Variants in PPP1R14C observed in about 807,000 individuals in gnomAD.
PPP1R14C encodes protein phosphatase 1 regulatory inhibitor subunit 14C, also known as protein phosphatase 1 regulatory subunit 14C.
A neutral mutation model predicts 20.4 loss-of-function variants in PPP1R14C; 16 were observed. The observed-to-expected ratio is 0.78, with a 90% CI of 0.53 to 1.19. The LOEUF (loss-of-function observed/expected upper bound fraction) is 1.19. PPP1R14C is among the 50% of genes most tolerant of loss of function. The pLI is 0.00. For missense variants in PPP1R14C, 211 were observed against 220.1 expected, an observed-to-expected ratio of 0.96 and a Z score of 0.26; for synonymous variants, 91 against 91.0, an observed-to-expected ratio of 1.00 and a Z score of 0.00.
chr6:150,180,810 A>G (rs995708202), intron 1 of PPP1R14C, among the ~76,000 whole-genome samples: 1 of 152,068 alleles, frequency 6.6e-6, no homozygotes, highest in South Asian at 2.1e-4. Context: ...TTGTTTGGAG[A>G]GATGATTTTT....
At chr6:150,230,422 C>A (rs184335167) in intron 3 of PPP1R14C, among the ~76,000 whole-genome samples, 1 of 152,192 alleles carries the variant, frequency 6.6e-6, no homozygotes, top group African/African-American at 2.4e-5. Context: ...AGTAACTGAT[C>A]AGGGGCACAA....
At chr6:150,210,762 A>G (rs1778014447) in intron 1 of PPP1R14C, among the ~76,000 whole-genome samples, 1 of 152,194 alleles carries the variant, frequency 6.6e-6, no homozygotes, top group South Asian at 2.1e-4. Flanking sequence ...ACATATTCCT[A>G]GAAGGTGACA....
chr6:150,243,947 T>C (rs1778462672), intron 3 of PPP1R14C, among the ~76,000 whole-genome samples: 1 of 152,156 alleles, frequency 6.6e-6, no homozygotes, highest in South Asian at 2.1e-4. Flanking sequence ...TCCATTTATG[T>C]AAAACTCTGG....
chr6:150,209,795 A>G (rs111064587), intron 1 of PPP1R14C, among the ~76,000 whole-genome samples: 68,257 of 143,358 alleles, frequency 0.48, 16,870 homozygotes, highest in African/African-American at 0.69. Context: ...GTGAGTGAGT[A>G]GTGTGGAGTG....
chr6:150,226,211 T>G (rs1444605034), intron 3 of PPP1R14C, among the ~76,000 whole-genome samples: 1 of 152,236 alleles, frequency 6.6e-6, no homozygotes, highest in African/African-American at 2.4e-5. Context: ...ACCTCACTAA[T>G]GTATGAGTGA....
At chr6:150,220,718 G>A (rs561624362) in intron 3 of PPP1R14C, among the ~76,000 whole-genome samples, 15 of 152,252 alleles carry the variant, frequency 9.9e-5, no homozygotes, top group African/African-American at 3.6e-4. Context: ...GCCTGGCTTC[G>A]CAGCCAACAG....
intron 1 of PPP1R14C, among the ~76,000 whole-genome samples, chr6:150,170,921 A>T (rs1777491569): frequency 6.6e-6 from 1 of 152,080 alleles, no homozygotes; most frequent in Admixed American, 6.6e-5. Flanking sequence ...AAATACATTT[A>T]AAAAATTTTA....
chr6:150,161,783 C>T (rs1777371472), intron 1 of PPP1R14C, among the ~76,000 whole-genome samples: 1 of 152,228 alleles, frequency 6.6e-6, no homozygotes, highest in South Asian at 2.1e-4. Flanking sequence ...CCCCTATCCC[C>T]TTCAGTGAGG....
intron 1 of PPP1R14C, among the ~76,000 whole-genome samples, chr6:150,168,939 C>G (rs1443832703): frequency 6.6e-6 from 1 of 152,190 alleles, no homozygotes; most frequent in Admixed American, 6.5e-5. Flanking sequence ...TGCAGTGGTG[C>G]GATCTTGGCT....
Position 150,249,390 on chromosome 6 carries a change from G to A in PPP1R14C, c.*570G>A, listed in dbSNP as rs1368991885. On this transcript the variant is annotated 3_prime_UTR_variant, in exon 4 of 4. Coordinates refer to ENST00000361131, the MANE Select transcript of PPP1R14C (RefSeq NM_030949.3). ...CACTAGGCATTCTTCACTGAGTGCT[G>A]CTGACTTCAACGTTCACTTTATGCA... 2.3e-5 allele frequency: 9 copies of A among 398,700 alleles called. No individual in the cohort carries two copies. The allele number at this position is 398,700 out of a possible 1,614,324, so 24.7% of individuals were successfully genotyped here. A position where few individuals can be genotyped will look rare whatever the true frequency, so the allele number is the denominator to read the frequency against.
chr6:150,155,779 C>A (rs561691925), intron 1 of PPP1R14C, among the ~76,000 whole-genome samples: 1 of 151,852 alleles, frequency 6.6e-6, no homozygotes, highest in Non-Finnish European at 1.5e-5. Flanking sequence ...AATCCCAGCA[C>A]TTTGGGAGGC....
chr6:150,235,112 G>T (rs1778343204), intron 3 of PPP1R14C, among the ~76,000 whole-genome samples: 1 of 152,174 alleles, frequency 6.6e-6, no homozygotes, highest in Non-Finnish European at 1.5e-5. Context: ...TTAATAGGCA[G>T]GATCTCATTT....
intron 1 of PPP1R14C, among the ~76,000 whole-genome samples, chr6:150,178,488 A>G (rs1278903822): frequency 6.6e-6 from 1 of 152,250 alleles, no homozygotes; most frequent in African/African-American, 2.4e-5. Flanking sequence ...ATGCAGGGCC[A>G]GCCTTTGAAG....
chr6:150,205,610 T>C (rs1474415052), intron 1 of PPP1R14C, among the ~76,000 whole-genome samples: 2 of 152,014 alleles, frequency 1.3e-5, no homozygotes, highest in East Asian at 1.9e-4. Flanking sequence ...CTGGCCAACA[T>C]GGTGATACCC....
At chr6:150,240,066 TA>T (rs1415408098) in intron 3 of PPP1R14C, among the ~76,000 whole-genome samples, 2 of 149,350 alleles carry the variant, frequency 1.3e-5, no homozygotes, top group Non-Finnish European at 3.0e-5. Context: ...AAAAAGAAGA[TA>T]AAAAAAAGAA....
At chr6:150,182,053 T>A (rs959021621) in intron 1 of PPP1R14C, among the ~76,000 whole-genome samples, 1 of 152,250 alleles carries the variant, frequency 6.6e-6, no homozygotes, top group Non-Finnish European at 1.5e-5. Context: ...CTAACTTGTG[T>A]GTAAAGGATA....
At chr6:150,216,602 G>A (rs1778097524) in intron 2 of PPP1R14C, among the ~76,000 whole-genome samples, 1 of 151,940 alleles carries the variant, frequency 6.6e-6, no homozygotes, top group Non-Finnish European at 1.5e-5. Flanking sequence ...AAACTTCTAT[G>A]TAGCACATGT....
chr6:150,157,929 C>T lies in PPP1R14C; in HGVS notation c.306+14431C>T, dbSNP rs544686653. On this transcript the variant is annotated intron_variant, in intron 1 of 3. Transcript: ENST00000361131. ...CACTGGGAATTAAGGTTCCAACGTGCGTTTCGATGGGGACACTCAAACCAT... is the reference window on the plus strand; with the variant it reads ...CACTGGGAATTAAGGTTCCAACGTGTGTTTCGATGGGGACACTCAAACCAT... Among the ~76,000 whole-genome samples, 96 of 152,260 alleles carry T rather than the reference C, an allele frequency of 6.3e-4. 1 individual carries two copies. The highest frequency in any genetic ancestry group is 6.1e-3 in the Admixed American group (94 of 15,298).
intron 1 of PPP1R14C, among the ~76,000 whole-genome samples, chr6:150,200,881 G>C (rs565221305): frequency 6.6e-6 from 1 of 152,260 alleles, no homozygotes; most frequent in South Asian, 2.1e-4. Flanking sequence ...CTGGGCTCCA[G>C]CTGGCTGTGG....
Sources: gnomAD v4.1 joint callset for allele counts (sites outside exome capture counted in the v4.1 genomes callset) on GRCh38, gnomAD v4.1.1 for gene constraint, MANE v1.5 for transcripts, NCBI Gene and HGNC (gene_info 2026-07-23, HGNC 2026-07-21) for gene names.